CNTNAP5: variants seen among roughly 807,000 people sequenced by gnomAD.
CNTNAP5 encodes contactin-associated protein-like 5.
A neutral mutation model predicts 150.2 loss-of-function variants in CNTNAP5; 72 were observed. The observed-to-expected ratio is 0.48, with a 90% CI of 0.40 to 0.58. The LOEUF (loss-of-function observed/expected upper bound fraction) is 0.58. Ranked by LOEUF, CNTNAP5 falls within the 20% of genes least tolerant of loss-of-function variation. CNTNAP5 has a pLI of 0.00. For synonymous variants in CNTNAP5, 672 were observed against 619.8 expected (o/e 1.08, Z -1.25); for missense variants, 1,636 against 1,626.2 (o/e 1.01, Z -0.10).
intron 12 of CNTNAP5, among the ~76,000 whole-genome samples, chr2:124,647,247 C>G (rs1263009582): frequency 1.3e-5 from 2 of 152,214 alleles, no homozygotes; most frequent in Non-Finnish European, 1.5e-5. Context: ...CAATTAACTT[C>G]ATTGCATGCA....
Position 124,670,811 on chromosome 2 carries a change from CTGTTCACTCT to C in CNTNAP5, c.2077+22854_2077+22863del, listed in dbSNP as rs1678808907. Among the ~76,000 whole-genome samples, 3 of 152,278 alleles carry C rather than the reference CTGTTCACTCT, an allele frequency of 2.0e-5. No individual in the cohort carries two copies. In the South Asian group the frequency reaches 6.2e-4, roughly 32 times the overall value. On this transcript the variant is annotated intron_variant, in intron 13 of 23. Transcript: ENST00000682447. ...AGAACCTTCTTAGCAAGCTTTATTT[CTGTTCACTCT>C]ATTTAAAATTGCAATCTTTTCTGGA...
intron 3 of CNTNAP5, among the ~76,000 whole-genome samples, chr2:124,293,886 AGT>A (rs201905592): frequency 0.076 from 11,573 of 152,206 alleles, 598 homozygotes; most frequent in Non-Finnish European, 0.12. Context: ...AAGCAGTGAG[AGT>A]GGAGCTGAGT....
chr2:124,599,905 A>C (rs1696942906), intron 11 of CNTNAP5, among the ~76,000 whole-genome samples: 1 of 151,958 alleles, frequency 6.6e-6, no homozygotes, highest in South Asian at 2.1e-4. Flanking sequence ...TGTCAGATTG[A>C]GGTTAATGTT....
At chr2:124,358,166 T>A (rs572205683) in intron 3 of CNTNAP5, among the ~76,000 whole-genome samples, 5 of 152,316 alleles carry the variant, frequency 3.3e-5, no homozygotes, top group South Asian at 4.1e-4. Flanking sequence ...ATCGTGAGAC[T>A]CTGCTGAAGT....
intron 3 of CNTNAP5, among the ~76,000 whole-genome samples, chr2:124,404,960 A>T (rs1420327336): frequency 6.6e-6 from 1 of 151,442 alleles, no homozygotes; most frequent in African/African-American, 2.4e-5. Context: ...AGAGTAACAA[A>T]TATAATAACA....
intron 3 of CNTNAP5, among the ~76,000 whole-genome samples, chr2:124,387,625 C>A (rs949177367): frequency 1.3e-5 from 2 of 152,016 alleles, no homozygotes; most frequent in African/African-American, 4.8e-5. Context: ...TTACAAAGTA[C>A]CTTCTTAAGG....
chr2:124,874,404 T>G lies in CNTNAP5; in HGVS notation c.3436+4642T>G, dbSNP rs551487306. Among the ~76,000 whole-genome samples, 25 of 152,250 alleles carry G rather than the reference T, an allele frequency of 1.6e-4. 1 individual carries two copies. In the South Asian group the frequency reaches 5.0e-3, roughly 30 times the overall value. On this transcript the variant is annotated intron_variant, in intron 21 of 23. Coordinates refer to ENST00000682447, the MANE Select transcript of CNTNAP5 (RefSeq NM_001367498.1). ...ATTCAAACATAGTGTGCTTTATCAC[T>G]GTTATTTCTAAGTCTCTGTTTAACT...
At chr2:124,711,607 C>G (rs1471450523) in intron 13 of CNTNAP5, among the ~76,000 whole-genome samples, 1 of 152,104 alleles carries the variant, frequency 6.6e-6, no homozygotes, top group Admixed American at 6.6e-5. Flanking sequence ...GCAGGTGGAT[C>G]ATGAGGTCAG....
intron 7 of CNTNAP5, among the ~76,000 whole-genome samples, chr2:124,484,210 G>A (rs796915336): frequency 3.3e-5 from 5 of 152,344 alleles, no homozygotes; most frequent in African/African-American, 1.2e-4. Flanking sequence ...CTTGGATATG[G>A]TAGATGCAAA....
At chr2:124,651,774 G>A (rs143744847) in intron 13 of CNTNAP5, among the ~76,000 whole-genome samples, 79 of 152,312 alleles carry the variant, frequency 5.2e-4, no homozygotes, top group African/African-American at 1.7e-3. Flanking sequence ...TGAAGGCCAC[G>A]GAGTTGTCAG....
chr2:124,652,266 G>GC (rs914242495), intron 13 of CNTNAP5, among the ~76,000 whole-genome samples: 9 of 152,154 alleles, frequency 5.9e-5, no homozygotes, highest in African/African-American at 1.7e-4. Context: ...TCTGCTTGCT[G>GC]CTTTCTACTC....
intron 3 of CNTNAP5, among the ~76,000 whole-genome samples, chr2:124,378,661 C>T (rs1213809296): frequency 1.3e-5 from 2 of 151,902 alleles, no homozygotes; most frequent in Admixed American, 1.3e-4. Context: ...CAGACATGGT[C>T]GTAAACTTAT....
intron 13 of CNTNAP5, among the ~76,000 whole-genome samples, chr2:124,701,997 A>G (rs1443347353): frequency 2.6e-5 from 4 of 152,014 alleles, no homozygotes. Context: ...ACGTCAATAT[A>G]CTCATTACCT....
intron 3 of CNTNAP5, among the ~76,000 whole-genome samples, chr2:124,408,640 A>G (rs564936092): frequency 3.3e-5 from 5 of 150,382 alleles, no homozygotes; most frequent in African/African-American, 1.2e-4. Flanking sequence ...ACACCTCACA[A>G]GGCAGGGTAT....
chr2:124,508,775 T>A (rs1387281916), intron 8 of CNTNAP5, among the ~76,000 whole-genome samples: 1 of 152,222 alleles, frequency 6.6e-6, no homozygotes, highest in African/African-American at 2.4e-5. Context: ...GAACTTAATG[T>A]TTTTTAGAAA....
intron 12 of CNTNAP5, among the ~76,000 whole-genome samples, chr2:124,626,817 C>T (rs1002073647): frequency 4.6e-5 from 7 of 152,102 alleles, no homozygotes; most frequent in Non-Finnish European, 1.0e-4. Context: ...GCTTGAAATC[C>T]CCGCTGCCAG....
At position 124,829,416 on chromosome 2, in the gene CNTNAP5, T is replaced by C. The variant is rs965562872; in HGVS notation, c.3217+31096T>C. Reference sequence around the variant, plus strand: ...GTAAGGAATTGGGCAGCATGCTTACTTTCCTATTTGTTGGAAAGCATATTT... The same window carrying C: ...GTAAGGAATTGGGCAGCATGCTTACCTTCCTATTTGTTGGAAAGCATATTT... On this transcript the variant is annotated intron_variant, in intron 19 of 23. Transcript: ENST00000682447. Among the ~76,000 whole-genome samples the C allele has an allele frequency of 3.9e-5, 6 of 152,214 alleles. 1 individual carries two copies. The highest frequency in any genetic ancestry group is 5.9e-5 in the Non-Finnish European group (4 of 68,026).
intron 13 of CNTNAP5, among the ~76,000 whole-genome samples, chr2:124,657,422 A>G (rs2105040088): frequency 6.6e-6 from 1 of 151,980 alleles, no homozygotes; most frequent in East Asian, 1.9e-4. Flanking sequence ...CCCATTCAGT[A>G]TATTCTCCAG....
At chr2:124,287,119 T>C (rs1195591905) in intron 3 of CNTNAP5, among the ~76,000 whole-genome samples, 2 of 152,118 alleles carry the variant, frequency 1.3e-5, no homozygotes, top group Non-Finnish European at 2.9e-5. Flanking sequence ...CATATCTTGA[T>C]AGGAAATAAA....
Sources: gnomAD v4.1 joint callset for allele counts (sites outside exome capture counted in the v4.1 genomes callset) on GRCh38, gnomAD v4.1.1 for gene constraint, MANE v1.5 for transcripts, NCBI Gene and HGNC (gene_info 2026-07-23, HGNC 2026-07-21) for gene names.